RFFL: variants seen among roughly 807,000 people sequenced by gnomAD.
The protein encoded by RFFL is ring finger and FYVE like domain containing E3 ubiquitin protein ligase.
In RFFL, 16 loss-of-function variants were observed where a neutral mutation model predicts 40.4. The observed-to-expected ratio is 0.40, with a 90% CI of 0.27 to 0.60. The LOEUF is 0.60. Ranked by LOEUF, RFFL falls within the 20% of genes least tolerant of loss-of-function variation. The pLI, the probability that RFFL is intolerant of heterozygous loss-of-function variation, is 0.47. For missense variants in RFFL, 367 were observed against 451.7 expected (o/e 0.81, Z 1.70); for synonymous variants, 154 against 167.9 (o/e 0.92, Z 0.64).
chr17:35,070,575 C>T (rs1362138673), intron 1 of RFFL, among the ~76,000 whole-genome samples: 1 of 152,166 alleles, frequency 6.6e-6, no homozygotes, highest in Admixed American at 6.5e-5. Context: ...TTTAAAGCTA[C>T]AGTCATGGAG....
chr17:35,048,787 T>C (rs746357045), intron 1 of RFFL, among the ~76,000 whole-genome samples: 39 of 152,232 alleles, frequency 2.6e-4, no homozygotes, highest in Non-Finnish European at 5.0e-4. Context: ...TGAAGTCAGA[T>C]AGGATTTGGT....
At chr17:35,049,429 C>G (rs975827083) in intron 1 of RFFL, among the ~76,000 whole-genome samples, 2 of 152,114 alleles carry the variant, frequency 1.3e-5, no homozygotes, top group African/African-American at 4.8e-5. Context: ...TGAGATGACT[C>G]GAGCAGATGG....
intron 1 of RFFL, among the ~76,000 whole-genome samples, chr17:35,081,694 G>A (rs977338114): frequency 1.2e-4 from 19 of 152,066 alleles, no homozygotes; most frequent in African/African-American, 4.3e-4. Context: ...TGGGGCCTAA[G>A]TCCATTCAAA....
chr17:35,014,729 C>A lies in RFFL; in HGVS notation c.910+11G>T, dbSNP rs750493763. ...GCCTAAGCCCATTCCCAAACAGAAA[C>A]AACTACATACCGTTTTGGTCTTCGG... On this transcript the variant is annotated intron_variant, in intron 6 of 6. Coordinates refer to ENST00000394597, the MANE Select transcript of RFFL (RefSeq NM_001017368.2). 20 of 1,613,036 alleles carry A rather than the reference C, an allele frequency of 1.2e-5. No homozygotes were observed. The South Asian group carries it at 2.2e-4, about 18-fold the overall frequency.
chr17:35,048,813 A>C (rs1478731435), intron 1 of RFFL, among the ~76,000 whole-genome samples: 1 of 152,206 alleles, frequency 6.6e-6, no homozygotes, highest in African/African-American at 2.4e-5. Context: ...ATCCAGGATG[A>C]ATTCAGACTA....
chr17:35,042,568 T>C (rs1338025391), intron 1 of RFFL, among the ~76,000 whole-genome samples: 1 of 152,054 alleles, frequency 6.6e-6, no homozygotes, highest in East Asian at 1.9e-4. Flanking sequence ...ACACCTGTAA[T>C]CCCAGCACTT....
Position 35,029,698 on chromosome 17 carries a change from T to A in RFFL, c.-8-3137A>T, listed in dbSNP as rs562776127. 6.6e-5 allele frequency among the ~76,000 whole-genome samples: 10 copies of A among 151,652 alleles called. No homozygotes were observed. The East Asian group carries it at 1.7e-3, about 26-fold the overall frequency. On this transcript the variant is annotated intron_variant, in intron 1 of 6. Transcript: ENST00000394597. The stretch of plus-strand genomic sequence containing the variant: ...ACACCTGGCTAATTTTTTATTTTTT[T>A]TTATTATTATACTTTAAGTTTTAGG...
At chr17:35,037,903 A>G (rs2091133634) in intron 1 of RFFL, among the ~76,000 whole-genome samples, 1 of 152,206 alleles carries the variant, frequency 6.6e-6, no homozygotes, top group Non-Finnish European at 1.5e-5. Context: ...CTTTGTCATA[A>G]TGGAAGTACA....
intron 1 of RFFL, among the ~76,000 whole-genome samples, chr17:35,044,818 T>C (rs1039369311): frequency 6.6e-6 from 1 of 152,054 alleles, no homozygotes; most frequent in Non-Finnish European, 1.5e-5. Context: ...TCACCTCCCT[T>C]ACATATCATT....
chr17:35,084,945 T>G (rs1206385441), intron 1 of RFFL, among the ~76,000 whole-genome samples: 1 of 151,830 alleles, frequency 6.6e-6, no homozygotes, highest in Non-Finnish European at 1.5e-5. Context: ...AAAATAAAAA[T>G]AATTAATAAA....
chr17:35,055,416 T>A (rs1329313660), intron 1 of RFFL, among the ~76,000 whole-genome samples: 1 of 151,668 alleles, frequency 6.6e-6, no homozygotes, highest in African/African-American at 2.4e-5. Context: ...GGCTCACCTG[T>A]AATCCCAGCA....
chr17:35,021,712 G>A lies in RFFL; in HGVS notation c.250C>T (p.Leu84Phe). Residue 84 changes from leucine to phenylalanine, a missense_variant, in exon 3 of 7, where the codon CTC (leucine) becomes TTC (phenylalanine). Leu to Phe is a conservative substitution (Grantham distance 22). Transcript: ENST00000394597. ...CGAAACCGTTGGCAGAGAAGGCAGAGGCGGGGCCCATTCCCTACTTGGCTC... is the reference window on the plus strand; with the variant it reads ...CGAAACCGTTGGCAGAGAAGGCAGAAGCGGGGCCCATTCCCTACTTGGCTC... The part of the protein sequence containing the change: ...CSSQVGNGPR[L>F]CLLCQRFRAT... 1 of 1,614,262 alleles carries A rather than the reference G, an allele frequency of 6.2e-7. No homozygotes were observed. Among genetic ancestry groups the A allele is most frequent in the Non-Finnish European group, 8.5e-7 (1 of 1,180,048 alleles).
chr17:35,073,313 C>T (rs566911386), intron 1 of RFFL, among the ~76,000 whole-genome samples: 19 of 152,230 alleles, frequency 1.2e-4, no homozygotes, highest in Non-Finnish European at 2.6e-4. Flanking sequence ...GTAACTAGTC[C>T]AGAATGAATG....
At chr17:35,060,562 T>C (rs1230264292) in intron 1 of RFFL, among the ~76,000 whole-genome samples, 1 of 152,116 alleles carries the variant, frequency 6.6e-6, no homozygotes, top group African/African-American at 2.4e-5. Flanking sequence ...TAAAACCATA[T>C]GAGGGAAATA....
At chr17:35,036,239 T>C (rs1003914258) in intron 1 of RFFL, 1 of 152,242 alleles carries the variant, frequency 6.6e-6, no homozygotes, top group Non-Finnish European at 1.5e-5. Context: ...TGGCATTTGA[T>C]AATGCTATTA....
chr17:35,059,271 G>A (rs1368436710), intron 1 of RFFL, among the ~76,000 whole-genome samples: 9 of 151,946 alleles, frequency 5.9e-5, no homozygotes, highest in Admixed American at 2.6e-4. Flanking sequence ...CACTCACCTC[G>A]GCCTCCCAAA....
At chr17:35,060,275 C>A (rs1597836092) in intron 1 of RFFL, among the ~76,000 whole-genome samples, 1 of 152,226 alleles carries the variant, frequency 6.6e-6, no homozygotes, top group East Asian at 1.9e-4. Flanking sequence ...ATAGGTCAGG[C>A]AGGTTCAGAG....
chr17:35,044,749 G>A (rs528992968), intron 1 of RFFL, among the ~76,000 whole-genome samples: 197 of 152,234 alleles, frequency 1.3e-3, no homozygotes, highest in Non-Finnish European at 2.1e-3. Flanking sequence ...TTTGGCTTTA[G>A]GAATCTCCCT....
At chr17:35,070,648 C>T (rs1466660979) in intron 1 of RFFL, among the ~76,000 whole-genome samples, 1 of 152,018 alleles carries the variant, frequency 6.6e-6, no homozygotes, top group African/African-American at 2.4e-5. Flanking sequence ...TGTCTATGGG[C>T]AGTACTGTAC....
Sources: allele counts gnomAD v4.1 joint callset (sites outside exome capture counted in the v4.1 genomes callset), GRCh38; gene constraint gnomAD v4.1.1; transcripts MANE v1.5; gene names NCBI Gene and HGNC (gene_info 2026-07-23, HGNC 2026-07-21).